The following FBXL17 variants were observed in gnomAD, a reference collection of about 807,000 sequenced individuals.
The protein encoded by FBXL17 is F-box/LRR-repeat protein 17.
Under a neutral mutation model 66.2 loss-of-function variants are expected in FBXL17, and 22 were observed. The ratio of observed to expected loss-of-function variants is 0.33; its 90% CI spans 0.24 to 0.47. FBXL17 has a LOEUF of 0.47. Among genes scored for constraint, FBXL17 ranks in the 20% least tolerant of loss-of-function variants. The probability of loss-of-function intolerance (pLI) is 1.00; values close to 1 mark genes in which losing one functional copy is unlikely to be tolerated. For synonymous variants in FBXL17, 474 were observed against 400.5 expected, an observed-to-expected ratio of 1.18 and a Z score of -2.19; for missense variants, 878 against 948.2, an observed-to-expected ratio of 0.93 and a Z score of 0.97.
chr5:108,034,295 G>C (rs1027716491), intron 6 of FBXL17, among the ~76,000 whole-genome samples: 1 of 152,128 alleles, frequency 6.6e-6, no homozygotes, highest in Non-Finnish European at 1.5e-5. Context: ...TGTCATCCTT[G>C]TTAGCATCAG....
At position 108,356,861 on chromosome 5, in the gene FBXL17, T is replaced by C. The variant is rs997395252; in HGVS notation, c.1374+7877A>G. ...TATATCAATGAAGATTTATTGATTA[T>C]AATAAATGTGTCACTCTGGTGAGGG... On this transcript the variant is annotated intron_variant, in intron 3 of 8. Transcript: ENST00000542267. Among the ~76,000 whole-genome samples the C allele has an allele frequency of 1.7e-4, 26 of 152,208 alleles. 1 individual carries two copies. The highest frequency in any genetic ancestry group is 1.6e-3 in the Admixed American group (24 of 15,290).
At chr5:108,213,380 A>T (rs1754460790) in intron 5 of FBXL17, among the ~76,000 whole-genome samples, 1 of 152,180 alleles carries the variant, frequency 6.6e-6, no homozygotes, top group Non-Finnish European at 1.5e-5. Context: ...GTGTCTGCCC[A>T]AATGGCCGCC....
rs78545903 is a variant in FBXL17, at chr5:108,201,183, C to T, written c.1615-14936G>A. On this transcript the variant is annotated intron_variant, in intron 5 of 8. Coordinates refer to ENST00000542267, the MANE Select transcript of FBXL17 (RefSeq NM_001163315.3). The stretch of plus-strand genomic sequence containing the variant: ...TCTTGCTTTCAATATCCAGGAGCCC[C>T]TTTAGAATCATGGAGAACACTTTCG... 4.9e-4 allele frequency among the ~76,000 whole-genome samples: 74 copies of T among 152,246 alleles called. 1 individual carries two copies. The East Asian group carries it at 0.014, about 28-fold the overall frequency.
At chr5:107,861,974 G>T (rs1327128790) in intron 8 of FBXL17, 114 bp from the exon 9 acceptor site, 4 of 1,152,274 alleles carry the variant, frequency 3.5e-6, no homozygotes, top group Non-Finnish European at 4.6e-6. Context: ...CCCTCGCCTT[G>T]TTCCTCCTAG....
intron 4 of FBXL17, among the ~76,000 whole-genome samples, chr5:108,268,638 T>C (rs753612647): frequency 1.5e-4 from 22 of 150,594 alleles, no homozygotes; most frequent in Admixed American, 6.6e-4. Flanking sequence ...GAAAAAAAAA[T>C]GGCAAGGAAA....
chr5:108,020,795 A>C (rs780710442), intron 7 of FBXL17, 130 bp downstream of exon 7: 16 of 613,632 alleles, frequency 2.6e-5, no homozygotes, highest in Non-Finnish European at 4.0e-5. Flanking sequence ...ATTTTTTGGT[A>C]TGGTCACAAT....
chr5:108,326,580 G>A (rs140032372), intron 4 of FBXL17, among the ~76,000 whole-genome samples: 2,205 of 152,098 alleles, frequency 0.014, 23 homozygotes, highest in Non-Finnish European at 0.022. Flanking sequence ...TCCAGCCTGG[G>A]TGACAGAGCG....
intron 6 of FBXL17, among the ~76,000 whole-genome samples, chr5:108,050,589 C>T (rs1475290443): frequency 6.6e-6 from 1 of 152,124 alleles, no homozygotes; most frequent in African/African-American, 2.4e-5. Flanking sequence ...TAAACGCCCA[C>T]ATCAGAAAGC....
intron 7 of FBXL17, among the ~76,000 whole-genome samples, chr5:107,991,311 C>A (rs1303186337): frequency 1.3e-5 from 2 of 152,176 alleles, no homozygotes; most frequent in Non-Finnish European, 1.5e-5. Context: ...AAGAAACCCA[C>A]AAGAGAGCTG....
chr5:108,374,496 A>G (rs1427357664), intron 1 of FBXL17, among the ~76,000 whole-genome samples: 1 of 151,880 alleles, frequency 6.6e-6, no homozygotes, highest in African/African-American at 2.4e-5. Flanking sequence ...ACATGGCAAA[A>G]CTCCCATCTC....
chr5:107,999,630 A>G lies in FBXL17; in HGVS notation c.1822+21295T>C, dbSNP rs538872258. 1.3e-4 allele frequency among the ~76,000 whole-genome samples: 20 copies of G among 151,934 alleles called. 1 individual carries two copies. Among genetic ancestry groups the G allele is most frequent in the South Asian group, 8.4e-4 (4 of 4,782 alleles). ...CCCTTCATTCTCATATTTCTAAATA[A>G]CACATGCACACACACACACATACAC... On this transcript the variant is annotated intron_variant, in intron 7 of 8. Transcript: ENST00000542267.
chr5:108,068,185 T>C (rs917964431), intron 6 of FBXL17, among the ~76,000 whole-genome samples: 3 of 152,196 alleles, frequency 2.0e-5, no homozygotes, highest in Non-Finnish European at 2.9e-5. Flanking sequence ...TTTTATTGCG[T>C]ATATGAAATT....
intron 6 of FBXL17, among the ~76,000 whole-genome samples, chr5:108,130,063 T>C (rs1318577615): frequency 6.6e-6 from 1 of 151,928 alleles, no homozygotes; most frequent in Non-Finnish European, 1.5e-5. Context: ...TAATCATACA[T>C]AAACTGCTTT....
rs556476925 is a variant in FBXL17 at position 107,901,013 on chromosome 5, A to T, written c.1823-19834T>A. Among the ~76,000 whole-genome samples the T allele has an allele frequency of 1.2e-4, 18 of 152,338 alleles. 1 individual carries two copies. In the South Asian group the frequency reaches 3.7e-3, roughly 32 times the overall value. On this transcript the variant is annotated intron_variant, in intron 7 of 8. Coordinates refer to ENST00000542267, the MANE Select transcript of FBXL17 (RefSeq NM_001163315.3). ...ACTGAAAAATATTTTTAATGATTTT[A>T]CTGAGTATATCATCACATCCATGAA...
At chr5:108,163,399 C>CCTTTT (rs1554071043) in intron 6 of FBXL17, among the ~76,000 whole-genome samples, 2 of 129,540 alleles carry the variant, frequency 1.5e-5, no homozygotes, top group African/African-American at 6.7e-5. Flanking sequence ...TTTTTTTTTT[C>CCTTTT]TTTTTTTTTT....
rs1416923325 is a variant in FBXL17 at position 107,883,409 on chromosome 5, G to A, written c.1823-2230C>T. Among the ~76,000 whole-genome samples the A allele has an allele frequency of 2.0e-5, 3 of 151,982 alleles. No homozygotes were observed. In the East Asian group the frequency reaches 5.8e-4, roughly 29 times the overall value. ...GTGGAACTGCAGTGTGACATATTGG[G>A]CCTGTGTTGGCTACTGGGAATATAA... is the stretch of plus-strand genomic sequence containing the variant. On this transcript the variant is annotated intron_variant, in intron 7 of 8. Transcript: ENST00000542267.
At chr5:108,207,450 G>C (rs1385627470) in intron 5 of FBXL17, among the ~76,000 whole-genome samples, 2 of 151,892 alleles carry the variant, frequency 1.3e-5, no homozygotes, top group Non-Finnish European at 2.9e-5. Flanking sequence ...ACCTACATTA[G>C]GTATTTCTCC....
chr5:107,950,564 T>C (rs557953088), intron 7 of FBXL17, among the ~76,000 whole-genome samples: 1 of 152,280 alleles, frequency 6.6e-6, no homozygotes, highest in African/African-American at 2.4e-5. Context: ...AATATGCCAT[T>C]CCGTTAGAAA....
intron 7 of FBXL17, among the ~76,000 whole-genome samples, chr5:107,913,359 A>G (rs1480183788): frequency 6.6e-6 from 1 of 152,166 alleles, no homozygotes; most frequent in East Asian, 1.9e-4. Flanking sequence ...GGAGTAGGGC[A>G]GAGGAGATGG....
Sources: allele counts gnomAD v4.1 joint callset (sites outside exome capture counted in the v4.1 genomes callset), GRCh38; gene constraint gnomAD v4.1.1; transcripts MANE v1.5; gene names NCBI Gene and HGNC (gene_info 2026-07-23, HGNC 2026-07-21).